KIAA1328: variants seen among roughly 807,000 people sequenced by gnomAD.
The protein encoded by KIAA1328 is KIAA1328, also known as protein hinderin.
KIAA1328 carries 52 observed loss-of-function variants against 68.1 expected under a neutral mutation model. The ratio of observed to expected loss-of-function variants is 0.76; its 90% CI spans 0.61 to 0.96. KIAA1328 has a LOEUF of 0.96. Ranked by LOEUF, KIAA1328 falls within the 40% of genes least tolerant of loss-of-function variation. The pLI, the probability that KIAA1328 is intolerant of heterozygous loss-of-function variation, is 0.00. For missense variants in KIAA1328, 641 were observed against 677.6 expected, an observed-to-expected ratio of 0.95 and a Z score of 0.60; for synonymous variants, 232 against 239.4, an observed-to-expected ratio of 0.97 and a Z score of 0.28.
intron 5 of KIAA1328, among the ~76,000 whole-genome samples, chr18:36,931,621 C>T (rs1443161088): frequency 6.6e-6 from 1 of 151,908 alleles, no homozygotes; most frequent in Non-Finnish European, 1.5e-5. Flanking sequence ...TTCTAGTTAA[C>T]CTCATTCTTA....
At chr18:37,073,997 C>T (rs1009621285) in intron 7 of KIAA1328, among the ~76,000 whole-genome samples, 1 of 152,116 alleles carries the variant, frequency 6.6e-6, no homozygotes, top group African/African-American at 2.4e-5. Flanking sequence ...TTCTCTAACA[C>T]CACCCCAGTG....
chr18:36,844,561 C>T (rs2046965510), intron 4 of KIAA1328, among the ~76,000 whole-genome samples: 1 of 151,882 alleles, frequency 6.6e-6, no homozygotes, highest in African/African-American at 2.4e-5. Flanking sequence ...TTGTAGCGGT[C>T]ATCTATTGAG....
At chr18:36,995,489 C>A (rs779891927) in intron 6 of KIAA1328, among the ~76,000 whole-genome samples, 2 of 152,188 alleles carry the variant, frequency 1.3e-5, no homozygotes, top group Non-Finnish European at 2.9e-5. Flanking sequence ...CTCGGTCCAT[C>A]CCTGCATGTC....
At chr18:37,201,973 T>C (rs1183172458) in intron 9 of KIAA1328, among the ~76,000 whole-genome samples, 1 of 152,176 alleles carries the variant, frequency 6.6e-6, no homozygotes, top group East Asian at 1.9e-4. Context: ...ATGATATTCG[T>C]CAACGCCTTG....
At chr18:37,006,525 G>A (rs931674299) in intron 6 of KIAA1328, among the ~76,000 whole-genome samples, 3 of 151,762 alleles carry the variant, frequency 2.0e-5, no homozygotes, top group Non-Finnish European at 4.4e-5. Flanking sequence ...TCTCTTCTGT[G>A]ACTTTTTTTT....
intron 5 of KIAA1328, among the ~76,000 whole-genome samples, chr18:36,947,173 C>A (rs902927060): frequency 7.2e-5 from 11 of 152,036 alleles, no homozygotes; most frequent in Admixed American, 1.3e-4. Flanking sequence ...CCTAAAAAAA[C>A]CAGAAATGAA....
At chr18:37,014,724 G>A (rs2054091302) in intron 6 of KIAA1328, among the ~76,000 whole-genome samples, 1 of 152,036 alleles carries the variant, frequency 6.6e-6, no homozygotes, top group African/African-American at 2.4e-5. Context: ...ACTTGGGACA[G>A]TACCAAGGGG....
intron 6 of KIAA1328, chr18:37,063,567 T>C: frequency 2.3e-6 from 2 of 880,276 alleles, no homozygotes; most frequent in East Asian, 1.2e-4. Context: ...TTGCGTACAC[T>C]AGGGGGTGAG....
chr18:36,911,824 C>G (rs965998540), intron 5 of KIAA1328, among the ~76,000 whole-genome samples: 1 of 152,104 alleles, frequency 6.6e-6, no homozygotes, highest in Admixed American at 6.6e-5. Context: ...TATGCTGTAA[C>G]AAATGCATGT....
chr18:37,048,384 G>C (rs964558887), intron 6 of KIAA1328, among the ~76,000 whole-genome samples: 15 of 152,102 alleles, frequency 9.9e-5, no homozygotes, highest in Admixed American at 2.0e-4. Flanking sequence ...TATGATGTGA[G>C]AGTCACTTAC....
intron 4 of KIAA1328, among the ~76,000 whole-genome samples, chr18:36,878,528 T>C (rs2048219571): frequency 6.6e-6 from 1 of 152,172 alleles, no homozygotes; most frequent in Non-Finnish European, 1.5e-5. Flanking sequence ...TTTGTGGTGT[T>C]CTGTGTTTTT....
chr18:36,974,155 A>G lies in KIAA1328; in HGVS notation c.576+14720A>G, dbSNP rs533873779. Among the ~76,000 whole-genome samples, 6 of 152,206 alleles carry G rather than the reference A, an allele frequency of 3.9e-5. No individual in the cohort carries two copies. The East Asian group carries it at 5.8e-4, about 15-fold the overall frequency. ...TGTTCTCAATTCTCCATCTCAGAAGAAGGCTTTTTTCTTTTTTGATTTGTA... is the reference window on the plus strand; with the variant it reads ...TGTTCTCAATTCTCCATCTCAGAAGGAGGCTTTTTTCTTTTTTGATTTGTA... On this transcript the variant is annotated intron_variant, in intron 6 of 9. Transcript: ENST00000280020.
At chr18:36,867,150 G>C (rs1388432291) in intron 4 of KIAA1328, among the ~76,000 whole-genome samples, 1 of 152,102 alleles carries the variant, frequency 6.6e-6, no homozygotes, top group Non-Finnish European at 1.5e-5. Flanking sequence ...CATGGGGGTG[G>C]ATTTCTTATG....
intron 7 of KIAA1328, among the ~76,000 whole-genome samples, chr18:37,070,475 T>C (rs2151747444): frequency 6.6e-6 from 1 of 152,302 alleles, no homozygotes; most frequent in Non-Finnish European, 1.5e-5. Flanking sequence ...GTTTTAAATA[T>C]TTATACTTCT....
chr18:37,068,533 A>AT (rs2056421624), intron 7 of KIAA1328, among the ~76,000 whole-genome samples: 3 of 152,298 alleles, frequency 2.0e-5, no homozygotes, highest in Admixed American at 2.0e-4. Context: ...GTGTATAGTG[A>AT]CATTTCATCG....
chr18:37,185,785 T>G (rs780768191), intron 9 of KIAA1328, among the ~76,000 whole-genome samples: 8 of 151,912 alleles, frequency 5.3e-5, no homozygotes, highest in Non-Finnish European at 7.4e-5. Context: ...AACATTTTCA[T>G]CTTAATGGGG....
intron 4 of KIAA1328, among the ~76,000 whole-genome samples, chr18:36,869,643 T>C (rs2047878254): frequency 8.8e-6 from 1 of 114,224 alleles, no homozygotes; most frequent in African/African-American, 2.7e-5. Flanking sequence ...TTCTCTTTCA[T>C]AGTTTACTTT....
intron 6 of KIAA1328, among the ~76,000 whole-genome samples, chr18:37,046,907 G>T (rs1339006200): frequency 6.6e-6 from 1 of 152,182 alleles, no homozygotes; most frequent in African/African-American, 2.4e-5. Context: ...AAGACGGGTG[G>T]ATCACCTGAG....
chr18:37,110,977 T>C (rs1412859662), intron 7 of KIAA1328, among the ~76,000 whole-genome samples: 2 of 152,220 alleles, frequency 1.3e-5, no homozygotes, highest in Non-Finnish European at 2.9e-5. Flanking sequence ...AATTTGGCAT[T>C]GTGTCCTTTG....
Sources: allele counts gnomAD v4.1 joint callset (sites outside exome capture counted in the v4.1 genomes callset), GRCh38; gene constraint gnomAD v4.1.1; transcripts MANE v1.5; gene names NCBI Gene and HGNC (gene_info 2026-07-23, HGNC 2026-07-21).